The following PCDH15 variants were observed in gnomAD, a reference collection of about 807,000 sequenced individuals.
PCDH15 encodes the protein protocadherin-15.
A neutral mutation model predicts 178.5 loss-of-function variants in PCDH15; 129 were observed. The ratio of observed to expected loss-of-function variants is 0.72; its 90% CI spans 0.63 to 0.84. The LOEUF is 0.84. PCDH15 is among the 40% of genes least tolerant of loss of function. The pLI is 0.00. For missense variants in PCDH15, 2,230 were observed against 2,099.9 expected, an observed-to-expected ratio of 1.06 and a Z score of -1.21; for synonymous variants, 800 against 732.0, an observed-to-expected ratio of 1.09 and a Z score of -1.50.
At chr10:55,076,501 T>C (rs1202170317) in intron 2 of PCDH15, among the ~76,000 whole-genome samples, 1 of 151,666 alleles carries the variant, frequency 6.6e-6, no homozygotes, top group African/African-American at 2.4e-5. Flanking sequence ...ACTGAGCCTG[T>C]AGTGAAGTGG....
At chr10:55,346,399 A>G (rs529198854) in intron 2 of PCDH15, among the ~76,000 whole-genome samples, 1 of 152,276 alleles carries the variant, frequency 6.6e-6, no homozygotes, top group Admixed American at 6.5e-5. Context: ...GTAGCTTTAT[A>G]ATTGATCTTG....
intron 25 of PCDH15, among the ~76,000 whole-genome samples, chr10:53,905,415 GCTCCAC>G (rs2082610156): frequency 6.6e-6 from 1 of 152,082 alleles, no homozygotes; most frequent in South Asian, 2.1e-4. Flanking sequence ...CTCACTGTAA[GCTCCAC>G]CTCCCGAGTT....
Position 55,069,710 on chromosome 10 carries a change from C to T in PCDH15, c.-80+96866G>A, listed in dbSNP as rs866364480. 6.5e-3 allele frequency among the ~76,000 whole-genome samples: 928 copies of T among 143,826 alleles called. 6 individuals are homozygous for T. The highest frequency in any genetic ancestry group is 0.022 in the African/African-American group (863 of 38,704). The allele number at this position is 143,826 out of a possible 152,430, so 94.4% of individuals were successfully genotyped here. ...CATTTGGCTTGGTTCCAAGTCTTTG[C>T]TATTGTGAATAGTGCCGCAATAAAC... On this transcript the variant is annotated intron_variant, in intron 2 of 5. Transcript: ENST00000458638.
chr10:55,094,285 G>A (rs930763961), intron 2 of PCDH15, among the ~76,000 whole-genome samples: 93 of 151,910 alleles, frequency 6.1e-4, no homozygotes, highest in East Asian at 7.8e-4. Flanking sequence ...GCAAACTATC[G>A]CAAGGACAGA....
rs193206948 is a variant in PCDH15 at position 55,380,874 on chromosome 10, T to C, written c.-155-214223A>G. 1.6e-4 allele frequency among the ~76,000 whole-genome samples: 24 copies of C among 152,272 alleles called. 1 individual carries two copies. The highest frequency in any genetic ancestry group is 5.5e-4 in the African/African-American group (23 of 41,574). ...CAGACCCTTCACAGTCATTGATAGA[T>C]TTGATGACAAAAGTGAGATACAGAG... On this transcript the variant is annotated intron_variant, in intron 2 of 5. Transcript: ENST00000613346.
At chr10:55,544,599 A>G (rs1841838425) in intron 2 of PCDH15, among the ~76,000 whole-genome samples, 1 of 152,082 alleles carries the variant, frequency 6.6e-6, no homozygotes, top group Non-Finnish European at 1.5e-5. Flanking sequence ...CTTATTTTGT[A>G]TATGATGGTG....
At chr10:54,149,926 T>C (rs1431413563) in intron 14 of PCDH15, among the ~76,000 whole-genome samples, 1 of 152,060 alleles carries the variant, frequency 6.6e-6, no homozygotes, top group African/African-American at 2.4e-5. Flanking sequence ...CCAGGTTATG[T>C]GTGGAGTTGG....
rs576620753 is a variant in PCDH15 at position 54,547,373 on chromosome 10, CTGATA to C, written c.92-19501_92-19497del. Among the ~76,000 whole-genome samples the C allele has an allele frequency of 1.5e-3, 221 of 152,172 alleles. 1 individual carries two copies. The highest frequency in any genetic ancestry group is 4.7e-3 in the African/African-American group (195 of 41,522). On this transcript the variant is annotated intron_variant, in intron 2 of 37. Coordinates refer to ENST00000644397, the MANE Select transcript of PCDH15 (RefSeq NM_001384140.1). The stretch of plus-strand genomic sequence containing the variant: ...ATATATCAGACACACAATAGAGTAT[CTGATA>C]TATTTGTAGAGCTTAAAAATCAATA...
In PCDH15 at chr10:55,052,090, A is replaced by AT. The variant is rs760975471; in HGVS notation, c.-80+114485dup. 5.3e-3 allele frequency among the ~76,000 whole-genome samples: 761 copies of AT among 142,366 alleles called. 6 individuals carry two copies. The highest frequency in any genetic ancestry group is 0.011 in the African/African-American group (435 of 39,016). 93.4% of individuals were successfully genotyped at this position (142,366 alleles called of 152,430 possible). A position where few individuals can be genotyped will look rare whatever the true frequency, so the allele number is the denominator to read the frequency against. On this transcript the variant is annotated intron_variant, in intron 2 of 5. Coordinates refer to the PCDH15 transcript ENST00000458638. ...TGACTTTATCAAAATAATCGATACGATTTTTTTTTTTTTTTGAGACAGACT... is the reference window on the plus strand; with the variant it reads ...TGACTTTATCAAAATAATCGATACGATTTTTTTTTTTTTTTTGAGACAGACT...
At chr10:54,718,871 ATT>A (rs2095512659) in intron 1 of PCDH15, among the ~76,000 whole-genome samples, 1 of 151,614 alleles carries the variant, frequency 6.6e-6, no homozygotes, top group African/African-American at 2.4e-5. Context: ...TAATTTTTGT[ATT>A]TTTAGTAGAG....
intron 6 of PCDH15, among the ~76,000 whole-genome samples, chr10:54,344,743 G>A (rs1174744717): frequency 6.6e-6 from 1 of 151,462 alleles, no homozygotes; most frequent in Non-Finnish European, 1.5e-5. Flanking sequence ...TTAAGAAAAA[G>A]CATTTCTGCT....
At chr10:54,764,184 C>A (rs547393667) in intron 1 of PCDH15, among the ~76,000 whole-genome samples, 332 of 152,050 alleles carry the variant, frequency 2.2e-3, no homozygotes, top group Middle Eastern at 3.4e-3. Context: ...CAGGCACAAA[C>A]TGATCAAAAA....
chr10:55,606,424 A>G (rs993696768), intron 2 of PCDH15, among the ~76,000 whole-genome samples: 6 of 151,314 alleles, frequency 4.0e-5, no homozygotes, highest in African/African-American at 1.2e-4. Context: ...ACCAAAAAAG[A>G]GCCCGCATTG....
intron 3 of PCDH15, among the ~76,000 whole-genome samples, chr10:54,527,262 A>T (rs1185168159): frequency 1.3e-5 from 2 of 152,200 alleles, no homozygotes; most frequent in Non-Finnish European, 2.9e-5. Flanking sequence ...TGAATTAGAT[A>T]TTAATTGTTA....
intron 25 of PCDH15, chr10:53,905,366 C>T (rs1182390698): frequency 2.3e-6 from 1 of 427,412 alleles, no homozygotes; most frequent in Non-Finnish European, 4.7e-6. Flanking sequence ...TGGAGTCTCC[C>T]TCTGTCGCCC....
At position 53,807,078 on chromosome 10, in the gene PCDH15, C is replaced by T. The variant is rs1384742737; in HGVS notation, c.4724G>A (p.Ser1575Asn). ...AGGAGCACTGTCTTCTCCAGTTGAG[C>T]TGGTTTCATACTCTCGATCAACAAC... is the stretch of plus-strand genomic sequence containing the variant. ...KLVVDREYET[S>N]STGEDSAPEC... The change falls in exon 38 of 38, where the codon AGC (serine) becomes AAC (asparagine). Residue 1575 changes from serine to asparagine, a missense_variant. By Grantham distance (46) the Ser-to-Asn change is conservative. Transcript: ENST00000644397. 63 of 1,612,878 alleles carry T rather than the reference C, an allele frequency of 3.9e-5. No individual in the cohort carries two copies. The highest frequency in any genetic ancestry group is 5.2e-5 in the Non-Finnish European group (61 of 1,179,684).
At chr10:55,538,912 T>C (rs1841685709) in intron 2 of PCDH15, among the ~76,000 whole-genome samples, 2 of 22,994 alleles carry the variant, frequency 8.7e-5, no homozygotes, top group South Asian at 1.8e-3. Flanking sequence ...CCTTCCTCCT[T>C]TCCTTCCTTC....
intron 1 of PCDH15, among the ~76,000 whole-genome samples, chr10:55,268,324 C>A (rs893410571): frequency 6.6e-6 from 1 of 152,082 alleles, no homozygotes; most frequent in Non-Finnish European, 1.5e-5. Context: ...TCCCACCAAC[C>A]CCACATATGT....
intron 3 of PCDH15, among the ~76,000 whole-genome samples, chr10:54,492,144 C>T (rs1007310375): frequency 1.3e-5 from 2 of 152,044 alleles, no homozygotes; most frequent in African/African-American, 4.8e-5. Context: ...AAACACATTC[C>T]AAGTAGTAGC....
Sources: allele counts gnomAD v4.1 joint callset (sites outside exome capture counted in the v4.1 genomes callset), GRCh38; gene constraint gnomAD v4.1.1; transcripts MANE v1.5; gene names NCBI Gene and HGNC (gene_info 2026-07-23, HGNC 2026-07-21).